PCDH9: variants seen among roughly 807,000 people sequenced by gnomAD.
The protein encoded by PCDH9 is protocadherin 9, also known as protocadherin-9.
In PCDH9, 24 loss-of-function variants were observed where a neutral mutation model predicts 70.6. The observed-to-expected ratio is 0.34, with a 90% CI of 0.25 to 0.48. The LOEUF (loss-of-function observed/expected upper bound fraction) is 0.48. PCDH9 is among the 20% of genes least tolerant of loss of function. The pLI, the probability that PCDH9 is intolerant of heterozygous loss-of-function variation, is 0.99. For synonymous variants in PCDH9, 562 were observed against 558.5 expected (o/e 1.01, Z -0.09); for missense variants, 1,281 against 1,503.6 (o/e 0.85, Z 2.45).
chr13:66,509,964 A>T (rs1215673728), intron 4 of PCDH9, among the ~76,000 whole-genome samples: 1 of 152,214 alleles, frequency 6.6e-6, no homozygotes, highest in Non-Finnish European at 1.5e-5. Context: ...TGATTTTCAC[A>T]TGCGCTTTCA....
chr13:66,406,045 T>A (rs548372572), intron 4 of PCDH9, among the ~76,000 whole-genome samples: 7 of 152,174 alleles, frequency 4.6e-5, no homozygotes, highest in Non-Finnish European at 1.0e-4. Flanking sequence ...GCTGTATTTA[T>A]GAAGAAGTTA....
At chr13:66,333,400 G>C (rs1420847553) in intron 4 of PCDH9, among the ~76,000 whole-genome samples, 4 of 152,154 alleles carry the variant, frequency 2.6e-5, no homozygotes, top group Admixed American at 6.5e-5. Context: ...TAGACCAGCA[G>C]GGGTGCCATG....
At chr13:67,160,134 A>G (rs2087916032) in intron 2 of PCDH9, among the ~76,000 whole-genome samples, 1 of 152,208 alleles carries the variant, frequency 6.6e-6, no homozygotes, top group African/African-American at 2.4e-5. Flanking sequence ...TGTAGATTTC[A>G]AACTAACAAA....
chr13:66,358,030 A>T (rs1956413530), intron 4 of PCDH9, among the ~76,000 whole-genome samples: 1 of 152,082 alleles, frequency 6.6e-6, no homozygotes, highest in Admixed American at 6.6e-5. Flanking sequence ...TCAGTAATAT[A>T]CTGTGAGCAA....
intron 2 of PCDH9, among the ~76,000 whole-genome samples, chr13:67,050,532 C>T (rs564606968): frequency 5.9e-5 from 9 of 152,198 alleles, no homozygotes; most frequent in African/African-American, 1.9e-4. Context: ...AAGAGTAGAA[C>T]CCAGTGTCTA....
At chr13:66,958,633 G>C (rs1349044175) in intron 2 of PCDH9, among the ~76,000 whole-genome samples, 1 of 152,052 alleles carries the variant, frequency 6.6e-6, no homozygotes, top group African/African-American at 2.4e-5. Flanking sequence ...GTACAACTAG[G>C]ACAGTCTATT....
At chr13:66,750,953 T>G (rs976824800) in intron 3 of PCDH9, among the ~76,000 whole-genome samples, 1 of 152,174 alleles carries the variant, frequency 6.6e-6, no homozygotes, top group African/African-American at 2.4e-5. Flanking sequence ...AGCACATTAA[T>G]GAAGTTGGAT....
At chr13:66,978,429 T>C (rs2083665835) in intron 2 of PCDH9, 1 of 151,962 alleles carries the variant, frequency 6.6e-6, no homozygotes, top group Non-Finnish European at 1.5e-5. Context: ...GCAAGAAAAA[T>C]AGATACTATT....
chr13:66,631,402 G>A lies in PCDH9; in HGVS notation c.3148C>T (p.Arg1050Cys), dbSNP rs368726260. ...NEESHYESQRRVTFHLPDGSQ... is the reference protein window; with the variant it reads ...NEESHYESQRCVTFHLPDGSQ... The stretch of plus-strand genomic sequence containing the variant: ...CCATCAGGGAGATGAAACGTAACAC[G>A]GCGCTGCGACTACAAAGAAGACCAC... The change falls in exon 4 of 5, where the codon CGT becomes TGT. Residue 1050 changes from arginine to cysteine, a missense_variant. Around this residue, in one of 4 missense-constraint regions of PCDH9, gnomAD observed 264 missense variants for 278.8 expected, o/e 0.95. Transcript: ENST00000377865. The A allele has an allele frequency of 1.4e-5, 23 of 1,604,214 alleles. No individual in the cohort carries two copies. Among genetic ancestry groups the A allele is most frequent in the African/African-American group, 8.0e-5 (6 of 74,692 alleles).
At chr13:66,877,139 T>C (rs1281879044) in intron 3 of PCDH9, among the ~76,000 whole-genome samples, 1 of 151,898 alleles carries the variant, frequency 6.6e-6, no homozygotes, top group African/African-American at 2.4e-5. Context: ...GAGACCAGTG[T>C]ATGCTATTTT....
At position 66,909,056 on chromosome 13, in the gene PCDH9, GT is replaced by G. The variant is rs569493608; in HGVS notation, c.3037-5452del. On this transcript the variant is annotated intron_variant, in intron 2 of 4. Transcript: ENST00000377865. ...CCTGTATCTATAGTATACAGAGTCT[GT>G]TTTTTTTTAATTGCTTTTTTGAGTC... 3.0e-3 allele frequency among the ~76,000 whole-genome samples: 458 copies of G among 150,632 alleles called. 8 individuals are homozygous for G. Among genetic ancestry groups the G allele is most frequent in the Admixed American group, 0.021 (325 of 15,136 alleles).
intron 4 of PCDH9, among the ~76,000 whole-genome samples, chr13:66,505,478 G>A (rs964536044): frequency 1.1e-4 from 17 of 151,496 alleles, no homozygotes; most frequent in African/African-American, 1.9e-4. Context: ...CCCATGACAC[G>A]TGGGGATTAT....
rs553292395 is a variant in PCDH9 at position 66,911,916 on chromosome 13, T to A, written c.3037-8311A>T. On this transcript the variant is annotated intron_variant, in intron 2 of 4. Transcript: ENST00000377865. ...GAATACAACAACAGACATTTTTGGG[T>A]GCCAGGGTTAGTCAGGATTATATTT... is the stretch of plus-strand genomic sequence containing the variant. Among the ~76,000 whole-genome samples, 20 of 152,280 alleles carry A rather than the reference T, an allele frequency of 1.3e-4. No individual in the cohort carries two copies. The East Asian group carries it at 3.9e-3, about 29-fold the overall frequency.
At chr13:66,651,685 C>G (rs557836896) in intron 3 of PCDH9, among the ~76,000 whole-genome samples, 6 of 151,958 alleles carry the variant, frequency 3.9e-5, no homozygotes, top group Non-Finnish European at 1.5e-5. Context: ...ACACTGATAC[C>G]AAAACCTGAC....
chr13:67,135,051 T>C (rs906194372), intron 2 of PCDH9, among the ~76,000 whole-genome samples: 1 of 152,122 alleles, frequency 6.6e-6, no homozygotes, highest in African/African-American at 2.4e-5. Context: ...ATTAACATTA[T>C]CTACTATTCC....
chr13:66,488,627 T>C (rs1295698166), intron 4 of PCDH9, among the ~76,000 whole-genome samples: 1 of 152,162 alleles, frequency 6.6e-6, no homozygotes, highest in Non-Finnish European at 1.5e-5. Context: ...AGAATTATTG[T>C]GATCAAATAA....
At chr13:66,636,839 A>C (rs2077644676) in intron 3 of PCDH9, among the ~76,000 whole-genome samples, 1 of 152,080 alleles carries the variant, frequency 6.6e-6, no homozygotes, top group African/African-American at 2.4e-5. Flanking sequence ...CCATGGTAAA[A>C]TTTTATATTC....
At chr13:66,884,561 G>A (rs2139548071) in intron 3 of PCDH9, among the ~76,000 whole-genome samples, 1 of 152,250 alleles carries the variant, frequency 6.6e-6, no homozygotes, top group African/African-American at 2.4e-5. Context: ...AGGAAAAATA[G>A]CATAAGAAAA....
chr13:66,711,204 G>A (rs2078788455), intron 3 of PCDH9, among the ~76,000 whole-genome samples: 1 of 152,058 alleles, frequency 6.6e-6, no homozygotes, highest in South Asian at 2.1e-4. Flanking sequence ...TGCTACAAAT[G>A]ACAAGGCATC....
Sources: allele counts gnomAD v4.1 joint callset (sites outside exome capture counted in the v4.1 genomes callset), GRCh38; gene constraint gnomAD v4.1.1; regional missense constraint gnomAD v4.1.1; transcripts MANE v1.5; gene names NCBI Gene and HGNC (gene_info 2026-07-23, HGNC 2026-07-21).